CD99L2: variants seen among roughly 807,000 people sequenced by gnomAD.
CD99L2 encodes the protein CD99 antigen-like protein 2.
Under a neutral mutation model 27.3 loss-of-function variants are expected in CD99L2, and 24 were observed. That is an observed-to-expected ratio of 0.88 (90% CI 0.64 to 1.24). The LOEUF is 1.24. Ranked by LOEUF, CD99L2 falls within the 50% of genes most tolerant of loss-of-function variation. The pLI is 0.00. For missense variants in CD99L2, 255 were observed against 221.6 expected, an observed-to-expected ratio of 1.15 and a Z score of -0.96; for synonymous variants, 97 against 87.9, an observed-to-expected ratio of 1.10 and a Z score of -0.58.
At chrX:150,866,306 G>A (rs868952401) in intron 1 of CD99L2, among the ~76,000 whole-genome samples, 3 of 110,899 alleles carry the variant, frequency 2.7e-5, no homozygotes, top group Admixed American at 1.9e-4. Context: ...AACACACCAG[G>A]AAAAAACTAA....
intron 7 of CD99L2, among the ~76,000 whole-genome samples, chrX:150,777,745 C>T (rs971786937): frequency 1.8e-5 from 2 of 111,910 alleles, no homozygotes; most frequent in Non-Finnish European, 3.8e-5. Flanking sequence ...CCTCACATGC[C>T]GGGCTCTTTA....
At chrX:150,851,833 C>T (rs1476944216) in intron 1 of CD99L2, among the ~76,000 whole-genome samples, 1 of 111,843 alleles carries the variant, frequency 8.9e-6, no homozygotes, top group African/African-American at 3.2e-5. Context: ...ACATATCAGG[C>T]CCCCTTTGAT....
chrX:150,841,702 T>C (rs782733100), intron 1 of CD99L2, among the ~76,000 whole-genome samples: 15 of 111,437 alleles, frequency 1.3e-4, no homozygotes, highest in Non-Finnish European at 2.8e-4. Context: ...AAGAGGAACA[T>C]AACACAATGT....
At chrX:150,859,956 G>A (rs1446679141) in intron 1 of CD99L2, among the ~76,000 whole-genome samples, 1 of 111,085 alleles carries the variant, frequency 9.0e-6, no homozygotes, top group Non-Finnish European at 1.9e-5. Context: ...TGAGGAGAAG[G>A]AAATTCTCCC....
At chrX:150,861,105 G>A (rs2046969783) in intron 1 of CD99L2, among the ~76,000 whole-genome samples, 1 of 95,270 alleles carries the variant, frequency 1.0e-5, no homozygotes, top group African/African-American at 4.1e-5. Flanking sequence ...CCGCACCACT[G>A]CATTCCAGCC....
chrX:150,777,591 G>A lies in CD99L2; in HGVS notation c.497-109C>T, dbSNP rs1344263275. 15 of 788,462 alleles carry A rather than the reference G, an allele frequency of 1.9e-5. No homozygotes were observed. The African/African-American group carries it at 2.3e-4, about 12-fold the overall frequency. 65.0% of individuals were successfully genotyped at this position (788,462 alleles called of 1,213,427 possible). On this transcript the variant is annotated intron_variant, in intron 7 of 10. Coordinates refer to ENST00000370377, the MANE Select transcript of CD99L2 (RefSeq NM_031462.4). ...CTGGCCCTTCCAATCCCACCTATGC[G>A]ACAAGACCCCCACCAGTGGATCACC...
At chrX:150,817,060 G>T in intron 2 of CD99L2, among the ~76,000 whole-genome samples, 2 of 58,496 alleles carry the variant, frequency 3.4e-5, no homozygotes, top group African/African-American at 1.3e-4. Context: ...GGTGGGGGGA[G>T]GGGGGAGGGA....
intron 1 of CD99L2, among the ~76,000 whole-genome samples, chrX:150,852,804 G>T (rs1569566080): frequency 9.0e-6 from 1 of 111,198 alleles, no homozygotes; most frequent in South Asian, 3.8e-4. Context: ...CCTTCTTATG[G>T]CTGAAAAAAG....
intron 1 of CD99L2, among the ~76,000 whole-genome samples, chrX:150,895,035 T>C (rs2047584229): frequency 9.0e-6 from 1 of 111,701 alleles, no homozygotes; most frequent in Admixed American, 9.5e-5. Flanking sequence ...TTCCTAAACC[T>C]CTCTGGGCCC....
chrX:150,835,810 G>C (rs1298123212), intron 1 of CD99L2, among the ~76,000 whole-genome samples: 1 of 111,779 alleles, frequency 8.9e-6, no homozygotes, highest in Non-Finnish European at 1.9e-5. Flanking sequence ...TTTCGAACAT[G>C]AAGTACTATC....
chrX:150,876,286 G>T (rs1243779206), intron 1 of CD99L2, among the ~76,000 whole-genome samples: 2 of 112,072 alleles, frequency 1.8e-5, no homozygotes, highest in Non-Finnish European at 1.9e-5. Flanking sequence ...ATCAAATATT[G>T]TCACGAAGAA....
chrX:150,777,507 G>T, intron 7 of CD99L2, 25 bp from the exon 8 acceptor site: 1 of 1,206,445 alleles, frequency 8.3e-7, no homozygotes, highest in African/African-American at 1.7e-5. Context: ...AAAGCACTTA[G>T]TGCCAGCGAC....
chrX:150,808,851 G>A (rs901911845), intron 4 of CD99L2, among the ~76,000 whole-genome samples: 7 of 110,966 alleles, frequency 6.3e-5, no homozygotes, highest in Non-Finnish European at 1.1e-4. Flanking sequence ...GGAAGCAGCC[G>A]CGAGTTCCGT....
chrX:150,843,073 G>A, intron 1 of CD99L2, among the ~76,000 whole-genome samples: 1 of 112,525 alleles, frequency 8.9e-6, no homozygotes, highest in Non-Finnish European at 1.9e-5. Context: ...CTCTGCAGAG[G>A]AACGTGTCTG....
rs372863487 is a variant in CD99L2, at chrX:150,770,384, G to C, written c.656-15C>G. The C allele has an allele frequency of 1.4e-5, 17 of 1,204,136 alleles. No individual in the cohort carries two copies. The African/African-American group carries it at 2.1e-4, about 15-fold the overall frequency. ...GTTGAGACCCTCTGCAAAGGGAAAAGGGCAGAGTTAGTGATGCGCACAGGA... is the reference window on the plus strand; with the variant it reads ...GTTGAGACCCTCTGCAAAGGGAAAACGGCAGAGTTAGTGATGCGCACAGGA... On this transcript the variant is annotated splice_polypyrimidine_tract_variant and intron_variant, in intron 9 of 10. Transcript: ENST00000370377.
At chrX:150,823,278 ATTTAG>A (rs1453312575) in intron 2 of CD99L2, among the ~76,000 whole-genome samples, 1 of 111,429 alleles carries the variant, frequency 9.0e-6, no homozygotes, top group Non-Finnish European at 1.9e-5. Context: ...TTGGTTATTT[ATTTAG>A]TTATGTATTT....
chrX:150,814,918 G>A lies in CD99L2; in HGVS notation c.221C>T (p.Ala74Val). The change falls in exon 4 of 11, where the codon GCT becomes GTT. Residue 74 changes from alanine to valine, a missense_variant. By Grantham distance (64) the Ala-to-Val change is moderately conservative. Coordinates refer to ENST00000370377, the MANE Select transcript of CD99L2 (RefSeq NM_031462.4). ...ATCATCTTGATCATCCAAAGCATCA[G>A]CCAAGTCCAATCCACTACCTTCAGT... is the stretch of plus-strand genomic sequence containing the variant. ...AKPPGSGLDLADALDDQDDGR... is the reference protein window; with the variant it reads ...AKPPGSGLDLVDALDDQDDGR... 1 of 1,211,292 alleles carries A rather than the reference G, an allele frequency of 8.3e-7. No individual in the cohort carries two copies. The highest frequency in any genetic ancestry group is 1.1e-6 in the Non-Finnish European group (1 of 895,198).
intron 2 of CD99L2, chrX:150,828,407 T>C (rs2046394700): frequency 9.0e-6 from 1 of 111,432 alleles, no homozygotes; most frequent in African/African-American, 3.3e-5. Flanking sequence ...ATGTAAGAGA[T>C]AAGGAAACTG....
chrX:150,817,705 A>AG (rs1360309249), intron 2 of CD99L2, among the ~76,000 whole-genome samples: 4 of 111,715 alleles, frequency 3.6e-5, no homozygotes, highest in African/African-American at 1.3e-4. Context: ...AAATAAGTTG[A>AG]GGTCAGGTGT....
Sources: gnomAD v4.1 joint callset for allele counts (sites outside exome capture counted in the v4.1 genomes callset) on GRCh38, gnomAD v4.1.1 for gene constraint, MANE v1.5 for transcripts, NCBI Gene and HGNC (gene_info 2026-07-23, HGNC 2026-07-21) for gene names.